The following CPA1 variants were observed in gnomAD, a reference collection of about 807,000 sequenced individuals.
CPA1 encodes carboxypeptidase A1 (pancreatic).
A neutral mutation model predicts 48.7 loss-of-function variants in CPA1; 42 were observed. That is an observed-to-expected ratio of 0.86 (90% CI 0.67 to 1.11). CPA1 has a LOEUF of 1.11. Among genes scored for constraint, CPA1 ranks in the 50% most tolerant of loss-of-function variants. The pLI, the probability that CPA1 is intolerant of heterozygous loss-of-function variation, is 0.00. For synonymous variants in CPA1, 203 were observed against 217.9 expected, an observed-to-expected ratio of 0.93 and a Z score of 0.60; for missense variants, 477 against 544.7, an observed-to-expected ratio of 0.88 and a Z score of 1.24.
At chr7:130,384,811 A>G in intron 7 of CPA1, 185 bp downstream of exon 7, 1 of 622,220 alleles carries the variant, frequency 1.6e-6, no homozygotes, top group Non-Finnish European at 2.8e-6. Context: ...TCGCCTGCAA[A>G]AGGCAAGTTG....
chr7:130,380,740 T>A, intron 1 of CPA1, 155 bp downstream of exon 1: 1 of 478,020 alleles, frequency 2.1e-6, no homozygotes, highest in South Asian at 5.2e-5. Context: ...GCAACCAGGG[T>A]TGGGAAGAGG....
At chr7:130,383,644 G>A (rs1796434988) in intron 5 of CPA1, 40 bp from the exon 6 acceptor site, 1 of 1,528,770 alleles carries the variant, frequency 6.5e-7, no homozygotes, top group Admixed American at 1.7e-5. Context: ...CAGATGCCTG[G>A]CCCAGCCTGC....
chr7:130,385,612 T>C (rs1554411890), intron 8 of CPA1, among the ~76,000 whole-genome samples: 1 of 152,204 alleles, frequency 6.6e-6, no homozygotes, highest in South Asian at 2.1e-4. Flanking sequence ...GAGGTGCATG[T>C]GCCTGAAGGG....
chr7:130,381,621 C>A lies in CPA1; in HGVS notation c.148-9C>A. ...CCGCTGTGACCGTGCCGGCTCTTGT[C>A]CTCCCCAGCTGGACTTCTGGCGGGG... On this transcript the variant is annotated splice_polypyrimidine_tract_variant and intron_variant, in intron 2 of 9. Coordinates refer to ENST00000011292, the MANE Select transcript of CPA1 (RefSeq NM_001868.4). 6.2e-7 allele frequency: 1 copy of A among 1,610,526 alleles called. No individual in the cohort carries two copies. Among genetic ancestry groups the A allele is most frequent in the Non-Finnish European group, 8.5e-7 (1 of 1,177,460 alleles).
In CPA1 at chr7:130,384,614, G is replaced by T. The variant is rs369665148; in HGVS notation, c.775G>T (p.Ala259Ser). The T allele has an allele frequency of 6.2e-7, 1 of 1,614,000 alleles. No homozygotes were observed. The highest frequency in any genetic ancestry group is 8.5e-7 in the Non-Finnish European group (1 of 1,179,882). The change falls in exon 7 of 10, where the codon GCT becomes TCT. Residue 259 changes from alanine (A) to serine (S), a missense_variant. By Grantham distance (99) the Ala-to-Ser change is moderately conservative (BLOSUM62 1). Coordinates refer to ENST00000011292, the MANE Select transcript of CPA1 (RefSeq NM_001868.4). ...IGVDPNRNWD[A>S]GFGLSGASSN... The stretch of plus-strand genomic sequence containing the variant: ...CGTGGACCCCAACAGGAACTGGGAC[G>T]CTGGCTTTGGGTGTAAGGCCCAGAG...
intron 8 of CPA1, among the ~76,000 whole-genome samples, chr7:130,385,599 G>A (rs1364046735): frequency 6.6e-6 from 1 of 152,226 alleles, no homozygotes. Flanking sequence ...GGCACCACAT[G>A]TGGAGGTGCA....
At position 130,380,513 on chromosome 7, in the gene CPA1, G is replaced by A. The variant is rs1248900049; in HGVS notation, c.-8G>A. On this transcript the variant is annotated 5_prime_UTR_variant, in exon 1 of 10. Transcript: ENST00000011292. ...GACCTCAGTCTGACCTTCCCTCCCG[G>A]CAGCAGCATGCGGGGGTTGCTGGTG... 5 of 1,314,128 alleles carry A rather than the reference G, an allele frequency of 3.8e-6. No individual in the cohort carries two copies. The highest frequency in any genetic ancestry group is 4.9e-6 in the Non-Finnish European group (5 of 1,022,934). The allele number at this position is 1,314,128 out of a possible 1,614,324, so 81.4% of individuals were successfully genotyped here.
In CPA1 at chr7:130,385,230, A is replaced by G. The variant is rs1796459566; in HGVS notation, c.872A>G (p.Asp291Gly). ...NSEVEVKSIV[D>G]FVKDHGNIKA... ...GAAGTGGAGGTCAAGTCCATTGTAG[A>G]CTTTGTGAAGGACCATGGGAACATC... Residue 291 changes from aspartate to glycine, a missense_variant, in exon 8 of 10, where the codon GAC becomes GGC. Coordinates refer to ENST00000011292, the MANE Select transcript of CPA1 (RefSeq NM_001868.4). The G allele has an allele frequency of 6.2e-7, 1 of 1,614,068 alleles. No individual in the cohort carries two copies.
At chr7:130,386,027 C>T (rs1554411987) in intron 9 of CPA1, 104 bp downstream of exon 9, 23 of 984,196 alleles carry the variant, frequency 2.3e-5, no homozygotes. Context: ...CAAGGGCACC[C>T]AGATCTGTCA....
chr7:130,380,659 C>T, intron 1 of CPA1, 74 bp downstream of exon 1: 2 of 836,676 alleles, frequency 2.4e-6, no homozygotes, highest in Non-Finnish European at 3.4e-6. Context: ...GTAGAGGAGA[C>T]AGACAGACAG....
At chr7:130,381,238 G>A in intron 2 of CPA1, 59 bp downstream of exon 2, 1 of 1,256,944 alleles carries the variant, frequency 8.0e-7, no homozygotes, top group South Asian at 1.3e-5. Context: ...GGCCACCCCA[G>A]GTCCCCAGCG....
At chr7:130,382,003 C>T (rs979017665) in intron 3 of CPA1, 105 bp from the exon 4 acceptor site, 1 of 1,205,118 alleles carries the variant, frequency 8.3e-7, no homozygotes, top group Non-Finnish European at 1.2e-6. Flanking sequence ...GTGGTCGTAG[C>T]TCCATTGCAG....
chr7:130,380,689 G>T, intron 1 of CPA1, 104 bp downstream of exon 1: 1 of 676,958 alleles, frequency 1.5e-6, no homozygotes, highest in East Asian at 3.1e-5. Context: ...AACACAGCCA[G>T]AGAGGATGGC....
chr7:130,380,951 G>T (rs1796395120), intron 1 of CPA1, 147 bp from the exon 2 acceptor site: 1 of 676,852 alleles, frequency 1.5e-6, no homozygotes, highest in Non-Finnish European at 2.7e-6. Flanking sequence ...TCCTTGTTGA[G>T]ACCCTTGGTG....
chr7:130,386,016 C>A, intron 9 of CPA1, 93 bp downstream of exon 9: 1 of 1,114,564 alleles, frequency 9.0e-7, no homozygotes, highest in Non-Finnish European at 1.3e-6. Context: ...AAGGAAGTAG[C>A]CAAGGGCACC....
At position 130,381,882 on chromosome 7, in the gene CPA1, G is replaced by A; in HGVS notation, c.381+19G>A. ...GGAGGAGGTGAGGGCGCCCCTAGCG[G>A]CCGCTCCCTGCAGCCACCAGCTCTT... On this transcript the variant is annotated intron_variant, in intron 3 of 9. Coordinates refer to ENST00000011292, the MANE Select transcript of CPA1 (RefSeq NM_001868.4). The A allele has an allele frequency of 6.2e-7, 1 of 1,602,476 alleles. No homozygotes were observed. Among genetic ancestry groups the A allele is most frequent in the Non-Finnish European group, 8.5e-7 (1 of 1,172,304 alleles).
rs1186214552 is a variant in CPA1, at chr7:130,387,946, ACAGCCAAGGAGAC to A, written c.1196_1208del (p.Thr399SerfsTer6). On this transcript the variant is annotated frameshift_variant, in exon 10 of 10. Coordinates refer to ENST00000011292, the MANE Select transcript of CPA1 (RefSeq NM_001868.4). LOFTEE classifies it high-confidence loss of function. The surrounding 1 kb of genome is among the most constrained non-coding windows in gnomAD (Gnocchi z 4.6). ...GCTGCCAGCCTCCCAGATCATCCCC[ACAGCCAAGGAGAC>A]GTGGCTGGCGCTTCTGACCATCATG... 3 of 1,613,944 alleles carry A rather than the reference ACAGCCAAGGAGAC, an allele frequency of 1.9e-6. No individual in the cohort carries two copies. Among genetic ancestry groups the A allele is most frequent in the Non-Finnish European group, 1.7e-6 (2 of 1,180,012 alleles).
intron 2 of CPA1, among the ~76,000 whole-genome samples, chr7:130,381,406 C>T (rs529445604): frequency 1.1e-3 from 166 of 152,120 alleles, no homozygotes; most frequent in Non-Finnish European, 2.2e-3. Flanking sequence ...CTTGCTGTCT[C>T]AAAGGCCCCT....
At position 130,387,983 on chromosome 7, in the gene CPA1, T is replaced by C. The variant is rs781794643; in HGVS notation, c.1232T>C (p.Met411Thr). ...KETWLALLTI[M>T]EHTLNHPY is the part of the protein sequence containing the mutation. ...ACGTGGCTGGCGCTTCTGACCATCA[T>C]GGAGCACACCCTGAATCACCCCTAC... Residue 411 changes from methionine to threonine, a missense_variant, in exon 10 of 10, where the codon ATG becomes ACG. Physicochemically the swap from Met to Thr is moderately conservative, Grantham distance 81 (BLOSUM62 -1). Transcript: ENST00000011292. This position sits in a 1 kb window ranked among gnomAD's most constrained non-coding sequence, Gnocchi z 4.6. The C allele has an allele frequency of 6.2e-7, 1 of 1,614,158 alleles. No homozygotes were observed. Among genetic ancestry groups the C allele is most frequent in the South Asian group, 1.1e-5 (1 of 91,072 alleles).
Sources: gnomAD v4.1 joint callset for allele counts (sites outside exome capture counted in the v4.1 genomes callset) on GRCh38, gnomAD v4.1.1 for gene constraint, Gnocchi (gnomAD v3.1) non-coding constraint, MANE v1.5 for transcripts, NCBI Gene and HGNC (gene_info 2026-07-23, HGNC 2026-07-21) for gene names.